The following FREM1 variants were observed in gnomAD, a reference collection of about 807,000 sequenced individuals.
FREM1 encodes FRAS1 related extracellular matrix 1.
Under a neutral mutation model 210.1 loss-of-function variants are expected in FREM1, and 220 were observed. That is an observed-to-expected ratio of 1.05 (90% CI 0.94 to 1.17). The LOEUF is 1.17. Ranked by LOEUF, FREM1 falls within the 50% of genes most tolerant of loss-of-function variation. The pLI is 0.00. For synonymous variants in FREM1, 1,189 were observed against 980.2 expected, an observed-to-expected ratio of 1.21 and a Z score of -3.98; for missense variants, 3,454 against 2,675.5, an observed-to-expected ratio of 1.29 and a Z score of -6.42.
Position 14,904,884 on chromosome 9 carries a change from C to G in FREM1, c.-268+5030G>C, listed in dbSNP as rs74322719. ...CTCACCATATTGCCAACCCCAGCTT[C>G]CAAGCCTTTGCAGGTTTTGTCCATT... On this transcript the variant is annotated intron_variant, in intron 1 of 36. Coordinates refer to ENST00000380880, the MANE Select transcript of FREM1 (RefSeq NM_001379081.2). Among the ~76,000 whole-genome samples, 751 of 152,274 alleles carry G rather than the reference C, an allele frequency of 4.9e-3. 7 individuals carry two copies. Among genetic ancestry groups the G allele is most frequent in the African/African-American group, 0.017 (723 of 41,554 alleles).
At chr9:14,903,289 G>C (rs1839106488) in intron 1 of FREM1, among the ~76,000 whole-genome samples, 1 of 152,186 alleles carries the variant, frequency 6.6e-6, no homozygotes, top group African/African-American at 2.4e-5. Context: ...ATATTCTTAA[G>C]ATGAAGAAAA....
chr9:14,806,335 A>T (rs1818358276), intron 18 of FREM1, among the ~76,000 whole-genome samples: 1 of 148,988 alleles, frequency 6.7e-6, no homozygotes, highest in South Asian at 2.1e-4. Flanking sequence ...AGCTCACTGC[A>T]ACCTCTGCCT....
chr9:14,845,822 G>T, intron 8 of FREM1, 138 bp downstream of exon 8: 1 of 833,214 alleles, frequency 1.2e-6, no homozygotes, highest in Non-Finnish European at 1.9e-6. Context: ...ATGATTTCAA[G>T]ATCTCCAGAT....
chr9:14,770,000 T>C (rs192941604), intron 26 of FREM1, 132 bp from the exon 27 acceptor site: 3 of 524,960 alleles, frequency 5.7e-6, no homozygotes, highest in East Asian at 3.3e-5. Context: ...AAACAAGAAA[T>C]TAACATTACT....
At position 14,819,297 on chromosome 9, in the gene FREM1, T is replaced by C; in HGVS notation, c.2483A>G (p.Asn828Ser). 6.2e-7 allele frequency: 1 copy of C among 1,613,972 alleles called. No homozygotes were observed. Among genetic ancestry groups the C allele is most frequent in the East Asian group, 2.2e-5 (1 of 44,882 alleles). The change falls in exon 14 of 37, where the codon AAT becomes AGT. Residue 828 changes from asparagine (N) to serine (S), a missense_variant. Physicochemically the swap from Asn to Ser is conservative, Grantham distance 46. Coordinates refer to ENST00000380880, the MANE Select transcript of FREM1 (RefSeq NM_001379081.2). Reference protein sequence around the residue: ...ELPLHGRVELNGFPLNSGGTF... With the variant: ...ELPLHGRVELSGFPLNSGGTF... ...GCCCCCTGAATTTAGAGGAAATCCA[T>C]TCAGCTCCACCCTTCCGTGCAGAGG...
intron 1 of FREM1, among the ~76,000 whole-genome samples, chr9:14,877,802 A>G (rs1356880533): frequency 6.6e-6 from 1 of 152,208 alleles, no homozygotes; most frequent in Non-Finnish European, 1.5e-5. Flanking sequence ...GTGGCAACCT[A>G]AAGCAGAGAA....
intron 29 of FREM1, among the ~76,000 whole-genome samples, chr9:14,755,528 A>G (rs1844179187): frequency 6.6e-6 from 1 of 152,154 alleles, no homozygotes; most frequent in Non-Finnish European, 1.5e-5. Flanking sequence ...CTCAAACCCC[A>G]GGGAAATAGA....
At chr9:14,887,461 A>G (rs1026866237) in intron 1 of FREM1, among the ~76,000 whole-genome samples, 3 of 152,194 alleles carry the variant, frequency 2.0e-5, no homozygotes, top group Non-Finnish European at 4.4e-5. Context: ...ACACAACTGT[A>G]AAGCAGATTC....
intron 13 of FREM1, among the ~76,000 whole-genome samples, chr9:14,820,398 G>A (rs972740718): frequency 2.6e-5 from 4 of 152,204 alleles, no homozygotes; most frequent in African/African-American, 9.7e-5. Flanking sequence ...GTCCATGGGA[G>A]GATGCAGCAG....
chr9:14,796,935 C>T (rs1478694455), intron 21 of FREM1, among the ~76,000 whole-genome samples: 3 of 152,252 alleles, frequency 2.0e-5, no homozygotes, highest in Non-Finnish European at 2.9e-5. Flanking sequence ...TGAATAATAT[C>T]GCTCAGAATT....
intron 5 of FREM1, among the ~76,000 whole-genome samples, chr9:14,856,595 A>T (rs1828775168): frequency 6.6e-6 from 1 of 152,096 alleles, no homozygotes; most frequent in Non-Finnish European, 1.5e-5. Context: ...TCACTTTGGG[A>T]GGGTGAGGCA....
At chr9:14,803,170 C>G (rs1274569083) in intron 19 of FREM1, among the ~76,000 whole-genome samples, 2 of 126,416 alleles carry the variant, frequency 1.6e-5, no homozygotes, top group Non-Finnish European at 1.6e-5. Context: ...ATCTTTCTTT[C>G]TCTCTTTCCC....
intron 20 of FREM1, among the ~76,000 whole-genome samples, chr9:14,799,144 T>C (rs1853036277): frequency 6.6e-6 from 1 of 151,950 alleles, no homozygotes; most frequent in Non-Finnish European, 1.5e-5. Context: ...GCCAGTGGTA[T>C]GTGTGATGAC....
intron 1 of FREM1, among the ~76,000 whole-genome samples, chr9:14,877,659 G>T (rs369479294): frequency 7.9e-5 from 12 of 152,172 alleles, no homozygotes; most frequent in African/African-American, 2.7e-4. Context: ...ACATGAAGAA[G>T]CAAGCCTCCA....
At chr9:14,750,429 C>T (rs983827461) in intron 29 of FREM1, among the ~76,000 whole-genome samples, 153 bp from the exon 30 acceptor site, 12 of 152,140 alleles carry the variant, frequency 7.9e-5, no homozygotes, top group African/African-American at 9.7e-5. Flanking sequence ...CTGCTGTTCT[C>T]CCAAATAATA....
At chr9:14,762,668 G>T (rs1385718650) in intron 27 of FREM1, among the ~76,000 whole-genome samples, 1 of 151,452 alleles carries the variant, frequency 6.6e-6, no homozygotes, top group Non-Finnish European at 1.5e-5. Flanking sequence ...TGAAATTTAA[G>T]CCAGGCTATA....
At position 14,743,335 on chromosome 9, in the gene FREM1, A is replaced by G. The variant is rs1016621020; in HGVS notation, c.6254+3018T>C. 4.6e-5 allele frequency among the ~76,000 whole-genome samples: 7 copies of G among 152,238 alleles called. No homozygotes were observed. In the East Asian group the frequency reaches 1.2e-3, roughly 25 times the overall value. ...CCTAGTCACAATTATTAATAGATGG[A>G]ACAATAAAATGAAAACAAAAGATGA... On this transcript the variant is annotated intron_variant, in intron 35 of 36. Transcript: ENST00000380880.
At chr9:14,757,168 C>T (rs1374966093) in intron 28 of FREM1, among the ~76,000 whole-genome samples, 5 of 152,208 alleles carry the variant, frequency 3.3e-5, no homozygotes, top group South Asian at 4.1e-4. Flanking sequence ...TGCTTCTCAG[C>T]TCCAGCCCCA....
chr9:14,852,453 C>T (rs763590314), intron 5 of FREM1, among the ~76,000 whole-genome samples: 1 of 152,002 alleles, frequency 6.6e-6, no homozygotes, highest in Admixed American at 6.6e-5. Flanking sequence ...TCTGGGAGGC[C>T]GAGGTGGGAG....
Sources: allele counts gnomAD v4.1 joint callset (sites outside exome capture counted in the v4.1 genomes callset), GRCh38; gene constraint gnomAD v4.1.1; transcripts MANE v1.5; gene names NCBI Gene and HGNC (gene_info 2026-07-23, HGNC 2026-07-21).